The following GSE1 variants were observed in gnomAD, a reference collection of about 807,000 sequenced individuals.
The protein encoded by GSE1 is Gse1 coiled-coil protein.
A neutral mutation model predicts 112.6 loss-of-function variants in GSE1; 32 were observed. The observed-to-expected ratio is 0.28, with a 90% CI of 0.21 to 0.38. The LOEUF is 0.38. GSE1 is among the 10% of genes least tolerant of loss of function. The probability of loss-of-function intolerance (pLI) is 1.00; values close to 1 mark genes in which losing one functional copy is unlikely to be tolerated. For synonymous variants in GSE1, 1,115 were observed against 735.6 expected (o/e 1.52, Z -8.35); for missense variants, 2,348 against 1,699.2 (o/e 1.38, Z -6.71).
chr16:85,204,693 C>T (rs892426673), intron 1 of GSE1, among the ~76,000 whole-genome samples: 2 of 152,240 alleles, frequency 1.3e-5, no homozygotes, highest in Non-Finnish European at 2.9e-5. Flanking sequence ...TCCTCTCCCC[C>T]AGGGAGAATG....
intron 1 of GSE1, among the ~76,000 whole-genome samples, chr16:85,561,730 C>G (rs111913533): frequency 6.6e-6 from 1 of 152,220 alleles, no homozygotes. Context: ...CCGGCCTGTC[C>G]TAGGCCCCTT....
At chr16:85,497,595 A>G (rs950489133) in intron 2 of GSE1, among the ~76,000 whole-genome samples, 3 of 152,200 alleles carry the variant, frequency 2.0e-5, no homozygotes, top group African/African-American at 7.2e-5. Flanking sequence ...AAACTGCTGA[A>G]AGGGACCAGG....
chr16:85,194,208 C>T (rs998271354), intron 1 of GSE1, among the ~76,000 whole-genome samples: 2 of 152,166 alleles, frequency 1.3e-5, no homozygotes, highest in African/African-American at 4.8e-5. Context: ...TCCGGGCGCC[C>T]TTGTGGTCTC....
chr16:85,646,374 C>T (rs2050872182), intron 2 of GSE1, among the ~76,000 whole-genome samples: 2 of 152,258 alleles, frequency 1.3e-5, no homozygotes, highest in Admixed American at 1.3e-4. Context: ...CCCGTGGGCC[C>T]AAGTGCAAGC....
upstream of GSE1, among the ~76,000 whole-genome samples, chr16:85,612,077 G>A (rs2048021508): frequency 6.6e-6 from 1 of 152,022 alleles, no homozygotes; most frequent in Non-Finnish European, 1.5e-5. Flanking sequence ...TCAGAGGGGT[G>A]TTGGAAGAGG....
At chr16:85,498,390 T>A (rs2051251701) in intron 2 of GSE1, among the ~76,000 whole-genome samples, 3 of 152,028 alleles carry the variant, frequency 2.0e-5, no homozygotes, top group African/African-American at 7.2e-5. Context: ...CATAGACATG[T>A]ACACACATGC....
At chr16:85,444,421 C>T (rs1409912239) in intron 2 of GSE1, among the ~76,000 whole-genome samples, 2 of 152,178 alleles carry the variant, frequency 1.3e-5, no homozygotes, top group African/African-American at 4.8e-5. Flanking sequence ...TCCAGCTCAG[C>T]CAGGCCTGAG....
Position 85,672,638 on chromosome 16 carries a change from C to T in GSE1, c.*99C>T. On this transcript the variant is annotated 3_prime_UTR_variant, in exon 16 of 16. Coordinates refer to ENST00000253458, the MANE Select transcript of GSE1 (RefSeq NM_014615.5). ...TTTTCACTGGGAGGTTTGAAGCTTACAAAATGAGAATGTGCCATGCATGAA... is the reference window on the plus strand; with the variant it reads ...TTTTCACTGGGAGGTTTGAAGCTTATAAAATGAGAATGTGCCATGCATGAA... 2 of 861,482 alleles carry T rather than the reference C, an allele frequency of 2.3e-6. No individual in the cohort carries two copies. Among genetic ancestry groups the T allele is most frequent in the East Asian group, 2.9e-5 (1 of 34,740 alleles). The allele number at this position is 861,482 out of a possible 1,614,324, so 53.4% of individuals were successfully genotyped here. A position where few individuals can be genotyped will look rare whatever the true frequency, so the allele number is the denominator to read the frequency against.
rs772126001 is a variant in GSE1 at position 85,633,986 on chromosome 16, A to G, written c.80A>G (p.Asn27Ser). The G allele has an allele frequency of 1.3e-5, 21 of 1,611,240 alleles. No homozygotes were observed. In the Admixed American group the frequency reaches 2.5e-4, roughly 19 times the overall value. The change falls in exon 2 of 16, where the codon AAC becomes AGC. Residue 27 changes from asparagine (N) to serine (S), a missense_variant. Coordinates refer to ENST00000253458, the MANE Select transcript of GSE1 (RefSeq NM_014615.5). ...GCGACCAGGACCACCGCCACCGTCA[A>G]CCCCCTCACCCCCTCGCCGCTCAAT... Reference protein sequence around the residue: ...STATRTTATVNPLTPSPLNGA... With the variant: ...STATRTTATVSPLTPSPLNGA...
At chr16:85,548,202 C>CTGG (rs1163197591) in intron 2 of GSE1, among the ~76,000 whole-genome samples, 1 of 141,898 alleles carries the variant, frequency 7.0e-6, no homozygotes, top group Non-Finnish European at 1.5e-5. Flanking sequence ...GCACTCCAGC[C>CTGG]TGGTGACAGA....
intron 1 of GSE1, among the ~76,000 whole-genome samples, chr16:85,215,267 C>T (rs2075289515): frequency 6.6e-6 from 1 of 152,198 alleles, no homozygotes; most frequent in Non-Finnish European, 1.5e-5. Context: ...GAAATAATAT[C>T]TGCCAACCAT....
chr16:85,365,509 G>A (rs1475173934), intron 2 of GSE1, among the ~76,000 whole-genome samples: 1 of 152,226 alleles, frequency 6.6e-6, no homozygotes, highest in Non-Finnish European at 1.5e-5. Flanking sequence ...ATTGCAGAGC[G>A]TAGCCTTGGG....
chr16:85,567,210 G>T (rs1252778930), intron 1 of GSE1, among the ~76,000 whole-genome samples: 1 of 152,160 alleles, frequency 6.6e-6, no homozygotes, highest in Admixed American at 6.5e-5. Context: ...AGGGGATGGG[G>T]CGGCTGGTGG....
intron 1 of GSE1, among the ~76,000 whole-genome samples, chr16:85,331,702 TA>T (rs1445264061): frequency 0.051 from 2,689 of 53,010 alleles, 142 homozygotes; most frequent in Non-Finnish European, 0.078. Context: ...TATATATATA[TA>T]TATATTTTTT....
At chr16:85,639,361 T>C (rs991110141) in intron 2 of GSE1, among the ~76,000 whole-genome samples, 2 of 152,152 alleles carry the variant, frequency 1.3e-5, no homozygotes, top group Non-Finnish European at 2.9e-5. Flanking sequence ...GGACCTCTTC[T>C]GCACAGACAC....
chr16:85,169,692 C>T, exon 1 of GSE1: 1 of 983,326 alleles, frequency 1.0e-6, no homozygotes, highest in Non-Finnish European at 1.2e-6. Context: ...GCGCGGGGAC[C>T]CCGGCGCAGC....
intron 2 of GSE1, among the ~76,000 whole-genome samples, chr16:85,433,847 G>A (rs1215346559): frequency 1.3e-5 from 2 of 152,028 alleles, no homozygotes; most frequent in Non-Finnish European, 2.9e-5. Context: ...ATAGATGTTG[G>A]TTGTACAGAT....
At chr16:85,483,258 A>G (rs762313320) in intron 2 of GSE1, among the ~76,000 whole-genome samples, 3 of 152,244 alleles carry the variant, frequency 2.0e-5, no homozygotes. Flanking sequence ...GAGCTTTCAG[A>G]GGAGGAAGCC....
chr16:85,375,536 T>C (rs924413887), intron 2 of GSE1, among the ~76,000 whole-genome samples: 12 of 152,186 alleles, frequency 7.9e-5, no homozygotes, highest in Admixed American at 7.8e-4. Context: ...GCCAAGACCC[T>C]GAGACCCCCA....
Sources: gnomAD v4.1 joint callset for allele counts (sites outside exome capture counted in the v4.1 genomes callset) on GRCh38, gnomAD v4.1.1 for gene constraint, MANE v1.5 for transcripts, NCBI Gene and HGNC (gene_info 2026-07-23, HGNC 2026-07-21) for gene names.